NEU3: variants seen among roughly 807,000 people sequenced by gnomAD.
NEU3 encodes the protein sialidase-3.
Under a neutral mutation model 11.4 loss-of-function variants are expected in NEU3, and 10 were observed. The ratio of observed to expected loss-of-function variants is 0.88; its 90% CI spans 0.54 to 1.49. The LOEUF (loss-of-function observed/expected upper bound fraction) is 1.49. NEU3 is among the 40% of genes most tolerant of loss of function. The pLI, the probability that NEU3 is intolerant of heterozygous loss-of-function variation, is 0.00. For synonymous variants in NEU3, 212 were observed against 228.2 expected (o/e 0.93, Z 0.64); for missense variants, 529 against 581.8 (o/e 0.91, Z 0.93).
At chr11:74,990,034 C>T (rs1948713370) in intron 1 of NEU3, 5 of 702,030 alleles carry the variant, frequency 7.1e-6, no homozygotes, top group African/African-American at 1.7e-5. Flanking sequence ...GTCATCAACA[C>T]GATCAGCATA....
At chr11:74,983,446 A>C (rs1190662745), upstream of NEU3, among the ~76,000 whole-genome samples, 1 of 152,214 alleles carries the variant, frequency 6.6e-6, no homozygotes, top group Non-Finnish European at 1.5e-5. Context: ...ATAACCAGCT[A>C]TGTGGACTTT....
chr11:75,005,269 A>C, intron 2 of NEU3, 144 bp from the exon 3 acceptor site: 1 of 828,638 alleles, frequency 1.2e-6, no homozygotes, highest in Non-Finnish European at 1.8e-6. Flanking sequence ...AATATCCGAG[A>C]ATTTAGTGAG....
chr11:75,016,227 G>A (rs1481854033), intron 3 of NEU3, among the ~76,000 whole-genome samples: 1 of 152,178 alleles, frequency 6.6e-6, no homozygotes, highest in Non-Finnish European at 1.5e-5. Flanking sequence ...ACAATAACCT[G>A]ACCCTATGTC....
At position 74,988,956 on chromosome 11, in the gene NEU3, G is replaced by C. The variant is rs1948698093; in HGVS notation, c.-105G>C. ...GCAGTCGACACGCTCTTCGCTTCTCGGGGCTTGTCTCCGTGTCCTCCGTCT... is the reference window on the plus strand; with the variant it reads ...GCAGTCGACACGCTCTTCGCTTCTCCGGGCTTGTCTCCGTGTCCTCCGTCT... On this transcript the variant is annotated 5_prime_UTR_variant, in exon 1 of 3. Coordinates refer to ENST00000294064, the MANE Select transcript of NEU3 (RefSeq NM_006656.6). The C allele has an allele frequency of 8.1e-6, 7 of 863,020 alleles. No individual in the cohort carries two copies. The highest frequency in any genetic ancestry group is 1.8e-5 in the African/African-American group (1 of 56,824). 53.5% of individuals were successfully genotyped at this position (863,020 alleles called of 1,614,324 possible). A position where few individuals can be genotyped will look rare whatever the true frequency, so the allele number is the denominator to read the frequency against.
At chr11:75,020,548 A>G (rs1170146687), downstream of NEU3, among the ~76,000 whole-genome samples, 8 of 152,178 alleles carry the variant, frequency 5.3e-5, no homozygotes, top group African/African-American at 1.9e-4. Flanking sequence ...GTTCCCCTTC[A>G]CAAGCCCTCT....
At chr11:74,995,489 C>T (rs975580138) in intron 2 of NEU3, among the ~76,000 whole-genome samples, 2 of 152,122 alleles carry the variant, frequency 1.3e-5, no homozygotes, top group African/African-American at 2.4e-5. Context: ...AATAGGCATA[C>T]GTCGGAGATA....
intron 3 of NEU3, among the ~76,000 whole-genome samples, chr11:75,018,132 G>A (rs1165887216): frequency 6.6e-6 from 1 of 151,260 alleles, no homozygotes; most frequent in African/African-American, 2.4e-5. Context: ...TAAATTCTGA[G>A]CCTACTTTTC....
chr11:74,998,819 A>G (rs1478766618), intron 2 of NEU3, among the ~76,000 whole-genome samples: 1 of 152,152 alleles, frequency 6.6e-6, no homozygotes, highest in Non-Finnish European at 1.5e-5. Context: ...ATGGCCTCCC[A>G]GGACCAGACT....
chr11:74,989,229 G>A, intron 1 of NEU3, 75 bp downstream of exon 1: 14 of 1,254,784 alleles, frequency 1.1e-5, no homozygotes, highest in Non-Finnish European at 5.7e-6. Flanking sequence ...AAGACCATCT[G>A]CGTTTGGGAA....
chr11:75,003,795 C>T (rs893138654), intron 2 of NEU3, among the ~76,000 whole-genome samples: 4 of 151,818 alleles, frequency 2.6e-5, no homozygotes, highest in Non-Finnish European at 5.9e-5. Context: ...GAGATTGAGG[C>T]GTGAGAACCA....
downstream of NEU3, among the ~76,000 whole-genome samples, chr11:75,014,823 G>A (rs903636252): frequency 9.9e-5 from 15 of 152,138 alleles, no homozygotes; most frequent in African/African-American, 3.4e-4. Flanking sequence ...CTGTGATTGC[G>A]CCATTGCACT....
downstream of NEU3, among the ~76,000 whole-genome samples, chr11:75,014,623 A>G (rs540323439): frequency 2.9e-4 from 44 of 152,306 alleles, 2 homozygotes; most frequent in South Asian, 8.7e-3. Flanking sequence ...CATGCCTGTA[A>G]TCCCAGCACT....
At chr11:74,987,011 A>G (rs1322497984), upstream of NEU3, among the ~76,000 whole-genome samples, 10 of 152,234 alleles carry the variant, frequency 6.6e-5, no homozygotes. Flanking sequence ...GGAAGGGAAG[A>G]AAAGGTGAGC....
At chr11:74,994,235 T>C (rs1465674832) in intron 1 of NEU3, among the ~76,000 whole-genome samples, 2 of 152,084 alleles carry the variant, frequency 1.3e-5, no homozygotes, top group East Asian at 3.9e-4. Context: ...CAAAAACAAA[T>C]GCAAAACCGC....
upstream of NEU3, among the ~76,000 whole-genome samples, chr11:74,983,513 G>A (rs1354984750): frequency 6.6e-6 from 1 of 152,150 alleles, no homozygotes; most frequent in Non-Finnish European, 1.5e-5. Flanking sequence ...AAAAAGATAG[G>A]CACCTCTTAG....
upstream of NEU3, among the ~76,000 whole-genome samples, chr11:74,983,740 G>A (rs1409700115): frequency 6.6e-6 from 1 of 152,174 alleles, no homozygotes; most frequent in African/African-American, 2.4e-5. Context: ...CATTGGCCAG[G>A]GTGGTTATGG....
At chr11:75,013,324 T>C (rs1190932569), downstream of NEU3, among the ~76,000 whole-genome samples, 4 of 152,140 alleles carry the variant, frequency 2.6e-5, no homozygotes, top group Non-Finnish European at 5.9e-5. Context: ...GTTGTGTCAA[T>C]AGGAAGAAGA....
rs1565498927 is a variant in NEU3, at chr11:75,008,748, G to T, written c.*2256G>T. On this transcript the variant is annotated 3_prime_UTR_variant, in exon 3 of 3. Coordinates refer to ENST00000294064, the MANE Select transcript of NEU3 (RefSeq NM_006656.6). ...TTTTTGTATTTTTAGTAGAGACGGGGTTTCACCATGTTGGCCAGGCTTGTC... is the reference window on the plus strand; with the variant it reads ...TTTTTGTATTTTTAGTAGAGACGGGTTTTCACCATGTTGGCCAGGCTTGTC... The T allele has an allele frequency of 6.6e-6, 1 of 151,918 alleles. No homozygotes were observed. Among genetic ancestry groups the T allele is most frequent in the Non-Finnish European group, 1.5e-5 (1 of 68,006 alleles). The allele number at this position is 151,918 out of a possible 1,614,324, so 9.4% of individuals were successfully genotyped here. A position where few individuals can be genotyped will look rare whatever the true frequency, so the allele number is the denominator to read the frequency against.
the NEU3 span, among the ~76,000 whole-genome samples, chr11:74,980,618 A>G: frequency 1.3e-5 from 2 of 152,156 alleles, no homozygotes; most frequent in Non-Finnish European, 1.5e-5. Flanking sequence ...CTTTTTTGTT[A>G]TTAAATAGAG....
Sources: allele counts gnomAD v4.1 joint callset (sites outside exome capture counted in the v4.1 genomes callset), GRCh38; gene constraint gnomAD v4.1.1; transcripts MANE v1.5; gene names NCBI Gene and HGNC (gene_info 2026-07-23, HGNC 2026-07-21).